The following UBA6 variants were observed in gnomAD, a reference collection of about 807,000 sequenced individuals.
UBA6 encodes the protein ubiquitin like modifier activating enzyme 6.
Under a neutral mutation model 148.3 loss-of-function variants are expected in UBA6, and 87 were observed. That is an observed-to-expected ratio of 0.59 (90% CI 0.49 to 0.70). UBA6 has a LOEUF of 0.70. Among genes scored for constraint, UBA6 ranks in the 30% least tolerant of loss-of-function variants. The probability of loss-of-function intolerance (pLI) is 0.00; values close to 1 mark genes in which losing one functional copy is unlikely to be tolerated. For missense variants in UBA6, 1,186 were observed against 1,241.2 expected (o/e 0.96, Z 0.67); for synonymous variants, 376 against 401.0 (o/e 0.94, Z 0.75).
chr4:67,676,320 A>G (rs1730280308), intron 6 of UBA6, among the ~76,000 whole-genome samples: 1 of 152,150 alleles, frequency 6.6e-6, no homozygotes, highest in African/African-American at 2.4e-5. Context: ...CACCGCGCCC[A>G]GCCTATAGTA....
At chr4:67,666,361 A>G (rs1377051557) in intron 9 of UBA6, among the ~76,000 whole-genome samples, 1 of 150,714 alleles carries the variant, frequency 6.6e-6, no homozygotes, top group Non-Finnish European at 1.5e-5. Flanking sequence ...ATACAGGCAT[A>G]TATACTATAT....
intron 2 of UBA6, among the ~76,000 whole-genome samples, chr4:67,685,346 C>CTA (rs375342708): frequency 3.3e-4 from 51 of 152,272 alleles, no homozygotes; most frequent in African/African-American, 1.2e-3. Flanking sequence ...CAGTGGTTTT[C>CTA]TATTTCCTTT....
intron 13 of UBA6, among the ~76,000 whole-genome samples, chr4:67,656,049 G>C (rs1729681485): frequency 6.6e-6 from 1 of 152,132 alleles, no homozygotes; most frequent in Admixed American, 6.6e-5. Context: ...ATAATTAATA[G>C]CCTACCAACC....
At position 67,625,164 on chromosome 4, in the gene UBA6, A is replaced by G; in HGVS notation, c.2542T>C (p.Ser848Pro). The G allele has an allele frequency of 2.5e-6, 4 of 1,610,240 alleles. No individual in the cohort carries two copies. The highest frequency in any genetic ancestry group is 3.4e-6 in the Non-Finnish European group (4 of 1,178,192). The change falls in exon 29 of 33, where the codon TCA (serine) becomes CCA (proline). Residue 848 changes from serine (S) to proline (P), a missense_variant. Physicochemically the swap from Ser to Pro is moderately conservative, Grantham distance 74. Coordinates refer to ENST00000322244, the MANE Select transcript of UBA6 (RefSeq NM_018227.6). ...TTATGATCATCATCTTTTTCAAATGAAAGCACTGCCATCTGAAGGTCACCT... is the reference window on the plus strand; with the variant it reads ...TTATGATCATCATCTTTTTCAAATGGAAGCACTGCCATCTGAAGGTCACCT... Reference protein sequence around the residue: ...TKSDLQMAVLSFEKDDDHNGH... With the variant: ...TKSDLQMAVLPFEKDDDHNGH...
At chr4:67,677,560 A>AT in intron 6 of UBA6, 51 bp downstream of exon 6, 1 of 929,432 alleles carries the variant, frequency 1.1e-6, no homozygotes, top group Non-Finnish European at 1.7e-6. Context: ...ATATTTAACA[A>AT]TTTTGCCCTG....
chr4:67,690,777 A>G (rs1196699626), intron 2 of UBA6, among the ~76,000 whole-genome samples: 1 of 152,058 alleles, frequency 6.6e-6, no homozygotes, highest in Non-Finnish European at 1.5e-5. Context: ...TTATAAAACA[A>G]AACAAAACAA....
rs1386903809 is a variant in UBA6 at position 67,617,747 on chromosome 4, T to C, written c.*1250A>G. ...CCTACTAATGGTCTGAGCAGGAGAG[T>C]AGAAGGAAAGGAGCTAGAGGGAAAT... On this transcript the variant is annotated 3_prime_UTR_variant, in exon 33 of 33. Transcript: ENST00000322244. 1 of 151,832 alleles carries C rather than the reference T, an allele frequency of 6.6e-6. No individual in the cohort carries two copies. 9.4% of individuals were successfully genotyped at this position (151,832 alleles called of 1,614,324 possible). A position where few individuals can be genotyped will look rare whatever the true frequency, so the allele number is the denominator to read the frequency against.
intron 9 of UBA6, among the ~76,000 whole-genome samples, chr4:67,666,323 GCCC>G (rs1011180201): frequency 2.0e-4 from 30 of 151,068 alleles, no homozygotes; most frequent in African/African-American, 7.0e-4. Context: ...AACCAAGTAA[GCCC>G]CCCCTTTACT....
At chr4:67,682,254 T>C in intron 2 of UBA6, 41 bp from the exon 3 acceptor site, 2 of 1,471,394 alleles carry the variant, frequency 1.4e-6, no homozygotes, top group Non-Finnish European at 1.9e-6. Flanking sequence ...ATTATTTCAC[T>C]GAAATTATAA....
chr4:67,618,897 A>T lies in UBA6; in HGVS notation c.*100T>A. The T allele has an allele frequency of 1.7e-6, 2 of 1,193,968 alleles. No individual in the cohort carries two copies. The highest frequency in any genetic ancestry group is 2.3e-6 in the Non-Finnish European group (2 of 856,888). The allele number at this position is 1,193,968 out of a possible 1,614,324, so 74.0% of individuals were successfully genotyped here. The stretch of plus-strand genomic sequence containing the variant: ...CCTTAAAATTAAGGCTTAATGAAAG[A>T]GAAATCCATAGTATTATGAACTGAT... On this transcript the variant is annotated 3_prime_UTR_variant, in exon 33 of 33. Transcript: ENST00000322244.
chr4:67,622,783 TTACA>T, intron 32 of UBA6, 44 bp downstream of exon 32: 1 of 1,363,490 alleles, frequency 7.3e-7, no homozygotes, highest in Non-Finnish European at 1.0e-6. Flanking sequence ...GTGCATCAAC[TTACA>T]TTTAAATTCT....
chr4:67,629,698 C>G (rs929388331), intron 26 of UBA6, among the ~76,000 whole-genome samples: 1 of 151,990 alleles, frequency 6.6e-6, no homozygotes, highest in African/African-American at 2.4e-5. Flanking sequence ...TTACCACACT[C>G]ACCACTAAAT....
Position 67,649,135 on chromosome 4 carries a change from A to G in UBA6, c.1181T>C (p.Val394Ala), listed in dbSNP as rs1729492510. The change falls in exon 14 of 33, where the codon GTA (valine) becomes GCA (alanine). Residue 394 changes from valine (V) to alanine (A), a missense_variant. By Grantham distance (64) the Val-to-Ala change is moderately conservative. Coordinates refer to ENST00000322244, the MANE Select transcript of UBA6 (RefSeq NM_018227.6). Reference sequence around the variant, plus strand: ...TACTTCTTGGCTGGCAACACCTCCTACTGCTGCAGCAAGTGGAGATAAAAA... The same window carrying G: ...TACTTCTTGGCTGGCAACACCTCCTGCTGCTGCAGCAAGTGGAGATAAAAA... ...QGFLSPLAAA[V>A]GGVASQEVLK... is the part of the protein sequence containing the mutation. 6.2e-7 allele frequency: 1 copy of G among 1,614,088 alleles called. No individual in the cohort carries two copies.
chr4:67,681,744 C>T (rs1730445111), intron 3 of UBA6, among the ~76,000 whole-genome samples, 153 bp from the exon 4 acceptor site: 1 of 152,014 alleles, frequency 6.6e-6, no homozygotes, highest in Admixed American at 6.6e-5. Flanking sequence ...TTACAAAATA[C>T]AGGTTAAAAG....
intron 9 of UBA6, among the ~76,000 whole-genome samples, chr4:67,667,399 T>C (rs1730031654): frequency 1.3e-5 from 2 of 152,132 alleles, no homozygotes; most frequent in South Asian, 4.1e-4. Flanking sequence ...TAATTAGATG[T>C]AGCTGGCAAA....
At chr4:67,626,540 TTAAC>T (rs1728873664) in intron 27 of UBA6, 63 bp from the exon 28 acceptor site, 2 of 996,670 alleles carry the variant, frequency 2.0e-6, no homozygotes. Flanking sequence ...TGGTTACCAT[TTAAC>T]TGTTTTATCA....
chr4:67,682,276 G>T, intron 2 of UBA6, 63 bp from the exon 3 acceptor site: 1 of 1,302,458 alleles, frequency 7.7e-7, no homozygotes, highest in Non-Finnish European at 1.1e-6. Context: ...ATCTCTTAAA[G>T]TTGTTTGCAA....
At chr4:67,632,311 T>A (rs115050851) in intron 23 of UBA6, among the ~76,000 whole-genome samples, 380 of 152,312 alleles carry the variant, frequency 2.5e-3, no homozygotes, top group African/African-American at 8.8e-3. Flanking sequence ...TTGATACATG[T>A]TTGAGATTTG....
At position 67,625,007 on chromosome 4, in the gene UBA6, G is replaced by A. The variant is rs147319136; in HGVS notation, c.2699C>T (p.Thr900Ile). The change falls in exon 29 of 33, where the codon ACA (threonine) becomes ATA (isoleucine). Residue 900 changes from threonine to isoleucine, a missense_variant. Coordinates refer to ENST00000322244, the MANE Select transcript of UBA6 (RefSeq NM_018227.6). ...IIPAIATTTA[T>I]VSGLVALEMI... The stretch of plus-strand genomic sequence containing the variant: ...TAATAAACTTACCAAGCCAGAAACT[G>A]TAGCAGTGGTTGTTGCTATAGCAGG... The A allele has an allele frequency of 3.7e-6, 6 of 1,607,394 alleles. No individual in the cohort carries two copies. In the African/African-American group the frequency reaches 8.0e-5, roughly 21 times the overall value.
Sources: gnomAD v4.1 joint callset for allele counts (sites outside exome capture counted in the v4.1 genomes callset) on GRCh38, gnomAD v4.1.1 for gene constraint, MANE v1.5 for transcripts, NCBI Gene and HGNC (gene_info 2026-07-23, HGNC 2026-07-21) for gene names.